DENND2B: variants seen among roughly 807,000 people sequenced by gnomAD.
DENND2B encodes DENN domain-containing protein 2B.
Under a neutral mutation model 116.0 loss-of-function variants are expected in DENND2B, and 32 were observed. That is an observed-to-expected ratio of 0.28 (90% CI 0.21 to 0.37). The LOEUF (loss-of-function observed/expected upper bound fraction) is 0.37. Among genes scored for constraint, DENND2B ranks in the 10% least tolerant of loss-of-function variants. DENND2B has a pLI of 1.00. For synonymous variants in DENND2B, 588 were observed against 583.9 expected (o/e 1.01, Z -0.10); for missense variants, 1,276 against 1,477.7 (o/e 0.86, Z 2.24).
chr11:8,698,137 CAAAAAAAAAAAAAA>C (rs33975736), intron 16 of DENND2B, among the ~76,000 whole-genome samples: 3,078 of 39,954 alleles, frequency 0.077, 128 homozygotes, highest in African/African-American at 0.19. Flanking sequence ...ACCCTGTCTC[CAAAAAAAAAAAAAA>C]AAAAAAAAAA....
At chr11:8,900,064 G>A (rs959093840) in intron 1 of DENND2B, among the ~76,000 whole-genome samples, 1 of 152,130 alleles carries the variant, frequency 6.6e-6, no homozygotes, top group Non-Finnish European at 1.5e-5. Flanking sequence ...GCCGAGATGG[G>A]TGGACTGTTT....
At chr11:8,778,098 A>G (rs1276281399) in intron 1 of DENND2B, among the ~76,000 whole-genome samples, 1 of 152,232 alleles carries the variant, frequency 6.6e-6, no homozygotes, top group Non-Finnish European at 1.5e-5. Context: ...GCTGACCATT[A>G]TACCACATGT....
intron 1 of DENND2B, among the ~76,000 whole-genome samples, chr11:8,801,693 G>GAAAGAAAC (rs2060343516): frequency 8.0e-6 from 1 of 125,552 alleles, no homozygotes; most frequent in Non-Finnish European, 1.7e-5. Context: ...AAAAAAAAAA[G>GAAAGAAAC]AAAGAAAGAA....
At chr11:8,841,669 T>A (rs1284366602) in intron 3 of DENND2B, among the ~76,000 whole-genome samples, 1 of 152,030 alleles carries the variant, frequency 6.6e-6, no homozygotes, top group African/African-American at 2.4e-5. Flanking sequence ...GAAAAACGTG[T>A]TTTGTAAAAT....
chr11:8,909,580 C>A (rs1190302742), intron 1 of DENND2B, among the ~76,000 whole-genome samples: 1 of 152,032 alleles, frequency 6.6e-6, no homozygotes, highest in Admixed American at 6.6e-5. Flanking sequence ...ACTTGATAAA[C>A]CCTTATTGAA....
chr11:8,839,019 A>C (rs2062530870), intron 4 of DENND2B, among the ~76,000 whole-genome samples: 1 of 152,254 alleles, frequency 6.6e-6, no homozygotes, highest in Non-Finnish European at 1.5e-5. Flanking sequence ...CCTGGCTTAG[A>C]AAAAAAGCCC....
chr11:8,775,648 C>T (rs1246816160), intron 1 of DENND2B, among the ~76,000 whole-genome samples: 1 of 152,148 alleles, frequency 6.6e-6, no homozygotes, highest in Non-Finnish European at 1.5e-5. Flanking sequence ...GACACGCTGC[C>T]GGAAGCAGGA....
chr11:8,735,990 AGAG>A (rs1193529584), intron 2 of DENND2B, among the ~76,000 whole-genome samples: 2 of 152,206 alleles, frequency 1.3e-5, no homozygotes, highest in Non-Finnish European at 2.9e-5. Flanking sequence ...CTGTTGGACA[AGAG>A]GAGACCACGG....
chr11:8,813,472 G>C (rs886274863), upstream of DENND2B, among the ~76,000 whole-genome samples: 4 of 152,092 alleles, frequency 2.6e-5, no homozygotes, highest in African/African-American at 9.7e-5. Flanking sequence ...TTGTCCAAAA[G>C]GCATCCCTCT....
At chr11:8,836,304 T>C (rs2062422889) in intron 4 of DENND2B, among the ~76,000 whole-genome samples, 1 of 151,906 alleles carries the variant, frequency 6.6e-6, no homozygotes, top group African/African-American at 2.4e-5. Flanking sequence ...CAACTTTCTC[T>C]AGCAAGTTTC....
chr11:8,707,676 C>T lies in DENND2B; in HGVS notation c.2430+101G>A, dbSNP rs2042850829. ...GTTCCTGCATTCTGTCTCCCGCTCG[C>T]TCACAGTCACAGGTGGTTTTCTCAT... On this transcript the variant is annotated intron_variant, in intron 12 of 19. Transcript: ENST00000313726. This position sits in a 1 kb window ranked among gnomAD's most constrained non-coding sequence, Gnocchi z 4.8. 5 of 1,157,384 alleles carry T rather than the reference C, an allele frequency of 4.3e-6. No homozygotes were observed. In the South Asian group the frequency reaches 4.3e-5, roughly 10 times the overall value. The allele number at this position is 1,157,384 out of a possible 1,614,324, so 71.7% of individuals were successfully genotyped here.
intron 2 of DENND2B, among the ~76,000 whole-genome samples, chr11:8,867,172 G>C (rs2063610734): frequency 6.6e-6 from 1 of 152,158 alleles, no homozygotes; most frequent in African/African-American, 2.4e-5. Flanking sequence ...GGTTGCACAA[G>C]AAATAGCAAG....
intron 4 of DENND2B, among the ~76,000 whole-genome samples, chr11:8,830,014 C>T (rs2062141909): frequency 6.6e-6 from 1 of 152,204 alleles, no homozygotes. Flanking sequence ...CTGGAATATT[C>T]TCTAGGACTC....
intron 2 of DENND2B, among the ~76,000 whole-genome samples, chr11:8,859,906 T>C (rs929443111): frequency 3.3e-5 from 5 of 152,130 alleles, no homozygotes; most frequent in Non-Finnish European, 4.4e-5. Context: ...TGGAAATTTC[T>C]CAAGCTGTAA....
Position 8,885,876 on chromosome 11 carries a change from T to C in DENND2B, c.-255-4767A>G, listed in dbSNP as rs577008607. Among the ~76,000 whole-genome samples the C allele has an allele frequency of 9.2e-5, 14 of 152,292 alleles. 1 individual carries two copies. The highest frequency in any genetic ancestry group is 3.4e-4 in the African/African-American group (14 of 41,586). ...TTTTGTATGTTCAGCTATAATTACA[T>C]TGAATTTTCTGAAAGAGAGACTAAT... On this transcript the variant is annotated intron_variant, in intron 1 of 22. Coordinates refer to the DENND2B transcript ENST00000534127.
At position 8,837,588 on chromosome 11, in the gene DENND2B, T is replaced by C. The variant is rs2062479736; in HGVS notation, c.-115+1722A>G. ...GTCTCGAACTCCTGACCTTGTGATC[T>C]GCCCACCTCAGCCTCCGAAAGTGCT... On this transcript the variant is annotated intron_variant, in intron 4 of 6. Coordinates refer to the DENND2B transcript ENST00000524757. 3.3e-5 allele frequency among the ~76,000 whole-genome samples: 5 copies of C among 152,296 alleles called. No homozygotes were observed. In the South Asian group the frequency reaches 1.0e-3, roughly 32 times the overall value.
chr11:8,706,691 A>G (rs2042660387), intron 13 of DENND2B, among the ~76,000 whole-genome samples: 1 of 152,162 alleles, frequency 6.6e-6, no homozygotes, highest in African/African-American at 2.4e-5. Context: ...TATATGTAAA[A>G]GTGTTTATAA....
At chr11:8,798,889 A>G (rs1229401488) in intron 1 of DENND2B, among the ~76,000 whole-genome samples, 3 of 146,602 alleles carry the variant, frequency 2.0e-5, no homozygotes, top group Non-Finnish European at 3.0e-5. Context: ...GTGAAACAGC[A>G]CAATCTCAGC....
intron 2 of DENND2B, among the ~76,000 whole-genome samples, chr11:8,746,542 G>A (rs1010477237): frequency 1.3e-4 from 20 of 152,212 alleles, no homozygotes; most frequent in African/African-American, 4.8e-4. Flanking sequence ...TATATGATAA[G>A]TGCCATTTGG....
Sources: allele counts gnomAD v4.1 joint callset (sites outside exome capture counted in the v4.1 genomes callset), GRCh38; gene constraint gnomAD v4.1.1; non-coding constraint Gnocchi (gnomAD v3.1); transcripts MANE v1.5; gene names NCBI Gene and HGNC (gene_info 2026-07-23, HGNC 2026-07-21).